The following ZNF581 variants were observed in gnomAD, a reference collection of about 807,000 sequenced individuals.
The protein encoded by ZNF581 is zinc finger protein 581.
Under a neutral mutation model 1.2 loss-of-function variants are expected in ZNF581, and 1 was observed. The observed-to-expected ratio is 0.83, with a 90% confidence interval of 0.30 to 3.95. The LOEUF is 3.95. Among genes scored for constraint, ZNF581 ranks in the 30% most tolerant of loss-of-function variants. The pLI is 0.18. For synonymous variants in ZNF581, 105 were observed against 109.2 expected, an observed-to-expected ratio of 0.96 and a Z score of 0.24; for missense variants, 273 against 274.6, an observed-to-expected ratio of 0.99 and a Z score of 0.04.
chr19:55,641,385 A>G (rs1028369465), upstream of ZNF581, among the ~76,000 whole-genome samples: 1 of 152,152 alleles, frequency 6.6e-6, no homozygotes, highest in Non-Finnish European at 1.5e-5. Context: ...GGGCCAGGGG[A>G]CAGGCGGTGT....
upstream of ZNF581, chr19:55,643,019 C>T: frequency 7.3e-7 from 1 of 1,361,208 alleles, no homozygotes; most frequent in Non-Finnish European, 9.5e-7. Flanking sequence ...GCACGTGCGC[C>T]TCCACTAAGC....
chr19:55,642,807 T>C, upstream of ZNF581: 1 of 1,570,842 alleles, frequency 6.4e-7, no homozygotes, highest in Non-Finnish European at 8.6e-7. Flanking sequence ...TGCGCCCGTG[T>C]CTTTGCCAGC....
At chr19:55,641,463 AACGGGCGGGGGACC>A (rs1982470018), upstream of ZNF581, among the ~76,000 whole-genome samples, 2 of 152,134 alleles carry the variant, frequency 1.3e-5, no homozygotes, top group South Asian at 2.1e-4. Flanking sequence ...AGAGCAAAAG[AACGGGCGGGGGACC>A]ACGCTGTGTG....
At chr19:55,641,036 C>T, upstream of ZNF581, 1 of 985,142 alleles carries the variant, frequency 1.0e-6, no homozygotes, top group Non-Finnish European at 1.2e-6. Context: ...CCCCTCGCAC[C>T]CCCGCGCCCC....
chr19:55,637,594 G>GGCT (rs375083499), upstream of ZNF581, among the ~76,000 whole-genome samples: 4 of 152,064 alleles, frequency 2.6e-5, no homozygotes, highest in Non-Finnish European at 5.9e-5. Context: ...TGGAGGCGGA[G>GGCT]GCTGCTGCTG....
exon 1 of ZNF581, chr19:55,635,586 C>A: frequency 3.7e-6 from 3 of 814,254 alleles, no homozygotes; most frequent in Non-Finnish European, 4.5e-6. Flanking sequence ...GAGGATTCAT[C>A]GAGACCCTGG....
At chr19:55,637,441 G>A (rs547896449), upstream of ZNF581, among the ~76,000 whole-genome samples, 2 of 152,294 alleles carry the variant, frequency 1.3e-5, no homozygotes, top group Admixed American at 1.3e-4. Flanking sequence ...GGAGGCTGAG[G>A]CGGGAGAATC....
chr19:55,642,527 C>T (rs1322662120), upstream of ZNF581: 1 of 1,439,688 alleles, frequency 6.9e-7, no homozygotes, highest in South Asian at 1.6e-5. Flanking sequence ...GCTGCCGCCG[C>T]GGCCACCCCA....
rs2123635663 is a variant in ZNF581, at chr19:55,644,603, C to T, written c.32C>T (p.Pro11Leu). The T allele has an allele frequency of 3.7e-6, 6 of 1,606,496 alleles. No homozygotes were observed. The highest frequency in any genetic ancestry group is 5.1e-6 in the Non-Finnish European group (6 of 1,176,484). ...GTGCTGCCATCCCCCTGCCCTCAGC[C>T]TCTGGCATTTTCCTCCGTTGAGACC... MLVLPSPCPQ[P>L]LAFSSVETME... The change falls in exon 2 of 2, where the codon CCT becomes CTT. Residue 11 changes from proline (P) to leucine (L), a missense_variant. By Grantham distance (98) the Pro-to-Leu change is moderately conservative. Coordinates refer to ENST00000270451, the MANE Select transcript of ZNF581 (RefSeq NM_016535.4). This position sits in a 1 kb window ranked among gnomAD's most constrained non-coding sequence, Gnocchi z 4.3.
chr19:55,641,277 G>GT, upstream of ZNF581: 1 of 802,120 alleles, frequency 1.2e-6, no homozygotes, highest in Non-Finnish European at 1.5e-6. Flanking sequence ...CCGGGATGGG[G>GT]GTGGGGGTCG....
At chr19:55,640,756 C>G (rs1292041422), upstream of ZNF581, 1 of 985,510 alleles carries the variant, frequency 1.0e-6, no homozygotes, top group Non-Finnish European at 1.2e-6. Context: ...GAGGACAAAC[C>G]CTTGTGGGCC....
At chr19:55,641,466 G>A (rs1368489115), upstream of ZNF581, among the ~76,000 whole-genome samples, 1 of 152,222 alleles carries the variant, frequency 6.6e-6, no homozygotes, top group Non-Finnish European at 1.5e-5. Context: ...GCAAAAGAAC[G>A]GGCGGGGGAC....
chr19:55,645,219 C>A lies in ZNF581; in HGVS notation c.*54C>A. 7.0e-7 allele frequency: 1 copy of A among 1,434,290 alleles called. No homozygotes were observed. The highest frequency in any genetic ancestry group is 9.4e-7 in the Non-Finnish European group (1 of 1,066,392). The allele number at this position is 1,434,290 out of a possible 1,614,324, so 88.8% of individuals were successfully genotyped here. On this transcript the variant is annotated 3_prime_UTR_variant, in exon 2 of 2. Coordinates refer to ENST00000270451, the MANE Select transcript of ZNF581 (RefSeq NM_016535.4). ...CAGGACTTTGCAGGGAGCCTGGACTCCTGTCCAGACACCTGGTGAGAGCCT... is the reference window on the plus strand; with the variant it reads ...CAGGACTTTGCAGGGAGCCTGGACTACTGTCCAGACACCTGGTGAGAGCCT...
chr19:55,637,012 G>A (rs1982132296), upstream of ZNF581, among the ~76,000 whole-genome samples: 3 of 152,160 alleles, frequency 2.0e-5, no homozygotes, highest in South Asian at 6.2e-4. Flanking sequence ...AGAGGGGAAG[G>A]TTTTGATCAT....
upstream of ZNF581, chr19:55,640,153 C>G (rs552141981): frequency 7.6e-5 from 75 of 985,488 alleles, no homozygotes; most frequent in African/African-American, 1.2e-3. Flanking sequence ...GCTGCTGCCG[C>G]CCTCCTGCGA....
At chr19:55,643,196 C>T, upstream of ZNF581, 1 of 1,166,274 alleles carries the variant, frequency 8.6e-7, no homozygotes, top group Admixed American at 4.2e-5. Context: ...CTTCCTTACC[C>T]CCTTTCTAGC....
chr19:55,640,276 T>C, upstream of ZNF581: 2 of 985,440 alleles, frequency 2.0e-6, no homozygotes, highest in Non-Finnish European at 2.4e-6. Flanking sequence ...GACGCCGGAG[T>C]CCTTCGCATG....
At chr19:55,642,633 C>A (rs776426481), upstream of ZNF581, 4 of 1,439,774 alleles carry the variant, frequency 2.8e-6, no homozygotes, top group Non-Finnish European at 3.6e-6. Context: ...CCTTCCTCGG[C>A]GGCGGGGCCC....
upstream of ZNF581, chr19:55,640,406 C>G (rs1982380371): frequency 1.0e-6 from 1 of 985,388 alleles, no homozygotes; most frequent in South Asian, 4.7e-5. Flanking sequence ...TCTGGCAAAG[C>G]CTGGCCTTCG....
Sources: gnomAD v4.1 joint callset for allele counts (sites outside exome capture counted in the v4.1 genomes callset) on GRCh38, gnomAD v4.1.1 for gene constraint, Gnocchi (gnomAD v3.1) non-coding constraint, MANE v1.5 for transcripts, NCBI Gene and HGNC (gene_info 2026-07-23, HGNC 2026-07-21) for gene names.